CSMD1: variants seen among roughly 807,000 people sequenced by gnomAD.
CSMD1 encodes CUB and sushi domain-containing protein 1.
In CSMD1, 213 loss-of-function variants were observed where a neutral mutation model predicts 417.5. The ratio of observed to expected loss-of-function variants is 0.51; its 90% CI spans 0.46 to 0.57. The LOEUF (loss-of-function observed/expected upper bound fraction) is 0.57. CSMD1 is among the 20% of genes least tolerant of loss of function. The pLI is 0.00. For missense variants in CSMD1, 6,923 were observed against 4,529.7 expected, an observed-to-expected ratio of 1.53 and a Z score of -15.17; for synonymous variants, 2,862 against 1,736.8, an observed-to-expected ratio of 1.65 and a Z score of -16.11.
At chr8:4,243,012 G>A (rs943009710) in intron 3 of CSMD1, among the ~76,000 whole-genome samples, 2 of 152,122 alleles carry the variant, frequency 1.3e-5, no homozygotes, top group Non-Finnish European at 2.9e-5. Context: ...AAATGCAAAG[G>A]AAACAGACTA....
intron 15 of CSMD1, among the ~76,000 whole-genome samples, chr8:3,405,750 C>A (rs1422257775): frequency 6.6e-6 from 1 of 152,104 alleles, no homozygotes; most frequent in African/African-American, 2.4e-5. Context: ...CCATGGAATG[C>A]CAGAGATTGC....
intron 51 of CSMD1, among the ~76,000 whole-genome samples, chr8:3,025,386 T>C (rs568432025): frequency 2.6e-5 from 4 of 151,812 alleles, no homozygotes; most frequent in Admixed American, 2.6e-4. Flanking sequence ...AACTGTGTAT[T>C]GTGTGGTGTT....
At position 4,322,926 on chromosome 8, in the gene CSMD1, A is replaced by G. The variant is rs370477694; in HGVS notation, c.415+97027T>C. Among the ~76,000 whole-genome samples, 139 of 152,336 alleles carry G rather than the reference A, an allele frequency of 9.1e-4. 3 individuals are homozygous for G. In the South Asian group the frequency reaches 0.028, roughly 31 times the overall value. On this transcript the variant is annotated intron_variant, in intron 3 of 69. Coordinates refer to ENST00000635120, the MANE Select transcript of CSMD1 (RefSeq NM_033225.6). Reference sequence around the variant, plus strand: ...CTTGAACCCTGGAGGTGGAGGTTGCAGTGAGCCTAGATCGTGCCCCTGCAA... The same window carrying G: ...CTTGAACCCTGGAGGTGGAGGTTGCGGTGAGCCTAGATCGTGCCCCTGCAA...
Position 3,367,383 on chromosome 8 carries a change from G to A in CSMD1, c.2900-136C>T, listed in dbSNP as rs537327257. On this transcript the variant is annotated intron_variant, in intron 19 of 69. Coordinates refer to ENST00000635120, the MANE Select transcript of CSMD1 (RefSeq NM_033225.6). ...TGGAGAGGAAGAGAAAATAAGAGGGGAAGACAGATTGCAGAGAGTAATAGC... is the reference window on the plus strand; with the variant it reads ...TGGAGAGGAAGAGAAAATAAGAGGGAAAGACAGATTGCAGAGAGTAATAGC... 3 of 630,230 alleles carry A rather than the reference G, an allele frequency of 4.8e-6. No individual in the cohort carries two copies. In the East Asian group the frequency reaches 8.2e-5, roughly 17 times the overall value. 39.0% of individuals were successfully genotyped at this position (630,230 alleles called of 1,614,324 possible).
At chr8:4,595,773 T>A (rs1800243967) in intron 2 of CSMD1, among the ~76,000 whole-genome samples, 1 of 152,180 alleles carries the variant, frequency 6.6e-6, no homozygotes. Context: ...TCTTATCTCA[T>A]TTCTCCATCA....
chr8:3,519,814 GT>G (rs34309059), intron 10 of CSMD1, among the ~76,000 whole-genome samples: 23,100 of 151,904 alleles, frequency 0.15, 1,930 homozygotes, highest in Admixed American at 0.22. Context: ...CTACATTACT[GT>G]TACCTCTTCT....
intron 1 of CSMD1, among the ~76,000 whole-genome samples, chr8:4,981,815 T>C (rs1563927141): frequency 6.6e-6 from 1 of 152,094 alleles, no homozygotes; most frequent in African/African-American, 2.4e-5. Flanking sequence ...ATAGGCTACA[T>C]GTGATTATGT....
chr8:4,848,265 A>C (rs189856251), intron 1 of CSMD1, among the ~76,000 whole-genome samples: 104 of 152,338 alleles, frequency 6.8e-4, no homozygotes, highest in Non-Finnish European at 1.2e-3. Flanking sequence ...TAGTTTGAAT[A>C]ATGTTGACAT....
intron 2 of CSMD1, among the ~76,000 whole-genome samples, chr8:4,484,912 G>A (rs1412502510): frequency 6.9e-6 from 1 of 145,968 alleles, no homozygotes; most frequent in East Asian, 2.1e-4. Flanking sequence ...GGCAGAGGTT[G>A]CAGTGAGCCG....
intron 5 of CSMD1, among the ~76,000 whole-genome samples, chr8:3,906,669 G>A (rs148961873): frequency 3.3e-5 from 5 of 151,102 alleles, no homozygotes; most frequent in African/African-American, 1.2e-4. Flanking sequence ...TTGCACAGCA[G>A]AGAGAAAATA....
At position 3,181,184 on chromosome 8, in the gene CSMD1, G is replaced by A; in HGVS notation, c.5651C>T (p.Thr1884Ile). Residue 1884 changes from threonine to isoleucine, a missense_variant, in exon 37 of 70, where the codon ACT becomes ATT. Coordinates refer to ENST00000635120, the MANE Select transcript of CSMD1 (RefSeq NM_033225.6). ...GAAATGCAGGTAGAGTTGGTTGGAA[G>A]TACTGTTCAGCAGTGCCGGTACTGT... ...GTTVPALLNS[T>I]SNQLYLHFQS... The A allele has an allele frequency of 6.2e-7, 1 of 1,613,812 alleles. No individual in the cohort carries two copies. Among genetic ancestry groups the A allele is most frequent in the Non-Finnish European group, 8.5e-7 (1 of 1,179,768 alleles).
At chr8:3,494,633 A>G (rs1393498090) in intron 10 of CSMD1, among the ~76,000 whole-genome samples, 2 of 152,042 alleles carry the variant, frequency 1.3e-5, no homozygotes, top group Non-Finnish European at 2.9e-5. Context: ...TAGATGACAG[A>G]CTGGATGGAT....
At chr8:4,170,481 C>A (rs1426412759) in intron 3 of CSMD1, among the ~76,000 whole-genome samples, 1 of 151,826 alleles carries the variant, frequency 6.6e-6, no homozygotes, top group Non-Finnish European at 1.5e-5. Flanking sequence ...CTACTTCCTT[C>A]TGACTGTAAT....
At chr8:4,154,537 G>A (rs1286074732) in intron 3 of CSMD1, among the ~76,000 whole-genome samples, 1 of 152,150 alleles carries the variant, frequency 6.6e-6, no homozygotes, top group African/African-American at 2.4e-5. Flanking sequence ...AAGAGCAGAA[G>A]CCAGGACACT....
chr8:3,129,374 T>G (rs1431270200), intron 41 of CSMD1, among the ~76,000 whole-genome samples: 1 of 152,226 alleles, frequency 6.6e-6, no homozygotes, highest in African/African-American at 2.4e-5. Flanking sequence ...CTTGTTTGTT[T>G]ATTTATAGAC....
chr8:3,546,385 A>T (rs1168804539), intron 10 of CSMD1, among the ~76,000 whole-genome samples: 1 of 151,962 alleles, frequency 6.6e-6, no homozygotes, highest in Non-Finnish European at 1.5e-5. Context: ...AAATACAAAA[A>T]ATTAGCTGGG....
intron 1 of CSMD1, among the ~76,000 whole-genome samples, chr8:4,977,352 C>G (rs531858225): frequency 1.3e-5 from 2 of 152,240 alleles, no homozygotes; most frequent in African/African-American, 4.8e-5. Flanking sequence ...GCAGCACTTA[C>G]CCCAGGCCCA....
chr8:3,926,957 A>T (rs553036528), intron 5 of CSMD1, among the ~76,000 whole-genome samples: 1 of 151,684 alleles, frequency 6.6e-6, no homozygotes, highest in East Asian at 1.9e-4. Flanking sequence ...ATCGTGATCC[A>T]CCCACCTCGG....
chr8:3,478,530 G>C (rs914506509), intron 11 of CSMD1, among the ~76,000 whole-genome samples: 1 of 152,156 alleles, frequency 6.6e-6, no homozygotes, highest in African/African-American at 2.4e-5. Context: ...AGAAAGACAA[G>C]CTGGCCTGGG....
Sources: gnomAD v4.1 joint callset for allele counts (sites outside exome capture counted in the v4.1 genomes callset) on GRCh38, gnomAD v4.1.1 for gene constraint, MANE v1.5 for transcripts, NCBI Gene and HGNC (gene_info 2026-07-23, HGNC 2026-07-21) for gene names.